XRN1: variants seen among roughly 807,000 people sequenced by gnomAD.
The protein encoded by XRN1 is 5'-3' exoribonuclease 1.
In XRN1, 67 loss-of-function variants were observed where a neutral mutation model predicts 222.3. The ratio of observed to expected loss-of-function variants is 0.30; its 90% confidence interval spans 0.25 to 0.37. XRN1 has a LOEUF of 0.37. Among genes scored for constraint, XRN1 ranks in the 10% least tolerant of loss-of-function variants. The probability of loss-of-function intolerance (pLI) is 1.00; values close to 1 mark genes in which losing one functional copy is unlikely to be tolerated. For synonymous variants in XRN1, 643 were observed against 652.4 expected (o/e 0.99, Z 0.22); for missense variants, 1,707 against 2,000.2 (o/e 0.85, Z 2.80).
intron 2 of XRN1, among the ~76,000 whole-genome samples, chr3:142,431,573 G>A (rs1391144569): frequency 1.3e-5 from 2 of 151,332 alleles, no homozygotes; most frequent in African/African-American, 4.9e-5. Flanking sequence ...TCCCAGCACT[G>A]TGGGAGGCTG....
At chr3:142,379,958 G>C (rs2067253313) in intron 23 of XRN1, 124 bp downstream of exon 23, 1 of 722,358 alleles carries the variant, frequency 1.4e-6, no homozygotes, top group Non-Finnish European at 2.2e-6. Flanking sequence ...ATGCAACTGG[G>C]AGAGAGAATC....
chr3:142,339,793 C>T (rs919155165), intron 33 of XRN1, among the ~76,000 whole-genome samples: 1 of 151,916 alleles, frequency 6.6e-6, no homozygotes, highest in Non-Finnish European at 1.5e-5. Context: ...CAAGACCCTG[C>T]CTCAAAAACA....
At chr3:142,347,087 CAATTTTGTGAAA>C in intron 33 of XRN1, 135 bp downstream of exon 33, 1 of 614,432 alleles carries the variant, frequency 1.6e-6, no homozygotes, top group Non-Finnish European at 2.7e-6. Flanking sequence ...GTTGGTTATA[CAATTTTGTGAAA>C]ATACAAAAAA....
chr3:142,362,262 C>G (rs1441600284), intron 29 of XRN1, among the ~76,000 whole-genome samples: 2 of 152,070 alleles, frequency 1.3e-5, no homozygotes, highest in African/African-American at 4.8e-5. Flanking sequence ...CTCAGCCTCC[C>G]AAGTAGCTGG....
At chr3:142,420,655 G>A (rs1021361033) in intron 10 of XRN1, among the ~76,000 whole-genome samples, 3 of 152,002 alleles carry the variant, frequency 2.0e-5, no homozygotes, top group Non-Finnish European at 4.4e-5. Flanking sequence ...ACAGGTGTGA[G>A]CCACTGCACC....
rs1190539913 is a variant in XRN1, at chr3:142,422,562, G to A, written c.967+20C>T. The A allele has an allele frequency of 6.2e-7, 1 of 1,608,256 alleles. No individual in the cohort carries two copies. The highest frequency in any genetic ancestry group is 1.3e-5 in the African/African-American group (1 of 74,624). On this transcript the variant is annotated intron_variant, in intron 8 of 40. Coordinates refer to ENST00000392981, the MANE Select transcript of XRN1 (RefSeq NM_001282857.2). The stretch of plus-strand genomic sequence containing the variant: ...GCACTAAATTAAAGTATCCTCGAGA[G>A]ATTATTAAATTCTTCTTACCCCCAA...
intron 37 of XRN1, among the ~76,000 whole-genome samples, chr3:142,328,393 C>T (rs1311611682): frequency 2.0e-5 from 3 of 151,936 alleles, no homozygotes; most frequent in Non-Finnish European, 2.9e-5. Flanking sequence ...TTCATTGACC[C>T]AAGGGCCATT....
At chr3:142,417,333 T>A (rs2068827046) in intron 12 of XRN1, 104 bp from the exon 13 acceptor site, 9 of 899,908 alleles carry the variant, frequency 1.0e-5, no homozygotes, top group Non-Finnish European at 1.5e-5. Flanking sequence ...ATGATTTATT[T>A]AATCAATGAA....
At chr3:142,376,805 C>A (rs1361782117) in intron 23 of XRN1, among the ~76,000 whole-genome samples, 1 of 152,018 alleles carries the variant, frequency 6.6e-6, no homozygotes, top group Non-Finnish European at 1.5e-5. Flanking sequence ...CCTTAAAGGA[C>A]AGAATTCCCA....
At chr3:142,373,311 A>G (rs1160510465) in intron 25 of XRN1, among the ~76,000 whole-genome samples, 4 of 152,104 alleles carry the variant, frequency 2.6e-5, no homozygotes, top group African/African-American at 9.7e-5. Context: ...ACAGAAGTAT[A>G]ACAATATAGG....
At chr3:142,325,597 T>C (rs1305172945) in intron 37 of XRN1, among the ~76,000 whole-genome samples, 1 of 152,124 alleles carries the variant, frequency 6.6e-6, no homozygotes, top group Non-Finnish European at 1.5e-5. Context: ...AGTTTGCAAA[T>C]ATTTTCTCCT....
intron 12 of XRN1, among the ~76,000 whole-genome samples, chr3:142,417,529 A>C (rs1577400187): frequency 6.6e-6 from 1 of 152,328 alleles, no homozygotes; most frequent in East Asian, 1.9e-4. Context: ...GAAGCTTTCC[A>C]TAGTGACACT....
chr3:142,321,599 C>G (rs1029782977), intron 37 of XRN1, among the ~76,000 whole-genome samples: 1 of 152,312 alleles, frequency 6.6e-6, no homozygotes, highest in Admixed American at 6.5e-5. Flanking sequence ...TTCCAATCCA[C>G]GAACAGAGTG....
intron 39 of XRN1, 73 bp downstream of exon 39, chr3:142,318,519 T>C (rs1301174360): frequency 2.2e-6 from 3 of 1,334,548 alleles, no homozygotes; most frequent in African/African-American, 2.9e-5. Flanking sequence ...TTGAGTACAT[T>C]CTTGATTTCT....
intron 37 of XRN1, among the ~76,000 whole-genome samples, chr3:142,326,062 G>A (rs6800695): frequency 0.6 from 91,644 of 151,820 alleles, 28,650 homozygotes; most frequent in African/African-American, 0.78. Context: ...TTTTGGTTAT[G>A]TAACTTTGCA....
intron 1 of XRN1, among the ~76,000 whole-genome samples, chr3:142,442,508 C>T (rs1009486326): frequency 1.6e-4 from 25 of 152,144 alleles, no homozygotes; most frequent in African/African-American, 2.4e-5. Flanking sequence ...GATGGCTAGC[C>T]ACCGAAGAAA....
chr3:142,311,576 A>T lies in XRN1; in HGVS notation c.5020T>A (p.Ser1674Thr). ...TTTCTTGATTTTCTTCTTGAAGAAG[A>T]GATTGGTGTTGACTTATGGTGAGAT... ...SISHHKSTPI[S>T]SSRRKSRKLA... The change falls in exon 41 of 41, where the codon TCT becomes ACT. Residue 1674 changes from serine to threonine, a missense_variant. Physicochemically the swap from Ser to Thr is moderately conservative, Grantham distance 58. This residue lies in a region of XRN1 where 473 missense variants were observed against 482.0 expected (regional missense o/e 0.98). Transcript: ENST00000392981. 5 of 1,613,128 alleles carry T rather than the reference A, an allele frequency of 3.1e-6. No individual in the cohort carries two copies. The highest frequency in any genetic ancestry group is 4.2e-6 in the Non-Finnish European group (5 of 1,179,382).
intron 22 of XRN1, among the ~76,000 whole-genome samples, chr3:142,381,695 T>A (rs966377486): frequency 6.6e-6 from 1 of 151,690 alleles, no homozygotes; most frequent in East Asian, 1.9e-4. Context: ...GCCTCCCAAG[T>A]AGCTGAGATT....
At chr3:142,320,421 G>T (rs569866213) in intron 37 of XRN1, among the ~76,000 whole-genome samples, 4 of 152,138 alleles carry the variant, frequency 2.6e-5, no homozygotes, top group Admixed American at 6.5e-5. Flanking sequence ...TTTTAATGGG[G>T]TTATCTGTTT....
Sources: gnomAD v4.1 joint callset for allele counts (sites outside exome capture counted in the v4.1 genomes callset) on GRCh38, gnomAD v4.1.1 for gene constraint, gnomAD v4.1.1 regional missense constraint, MANE v1.5 for transcripts, NCBI Gene and HGNC (gene_info 2026-07-23, HGNC 2026-07-21) for gene names.